The following NBEA variants were observed in gnomAD, a reference collection of about 807,000 sequenced individuals.
The protein encoded by NBEA is lysosomal-trafficking regulator 2.
A neutral mutation model predicts 343.4 loss-of-function variants in NBEA; 44 were observed. That is an observed-to-expected ratio of 0.13 (90% CI 0.10 to 0.16). NBEA has a LOEUF of 0.16. NBEA is among the 10% of genes least tolerant of loss of function. The pLI, the probability that NBEA is intolerant of heterozygous loss-of-function variation, is 1.00. For missense variants in NBEA, 2,555 were observed against 3,631.3 expected (o/e 0.70, Z 7.62); for synonymous variants, 1,175 against 1,238.7 (o/e 0.95, Z 1.08).
chr13:35,518,630 T>C lies in NBEA; in HGVS notation c.6586-31847T>C, dbSNP rs749769234. 9.1e-4 allele frequency among the ~76,000 whole-genome samples: 138 copies of C among 152,330 alleles called. No homozygotes were observed. The Middle Eastern group carries it at 0.014, about 15-fold the overall frequency. On this transcript the variant is annotated intron_variant, in intron 41 of 58. Coordinates refer to ENST00000379939, the MANE Select transcript of NBEA (RefSeq NM_001385012.1). ...CGATGGTTAGAATGGTATTACTTGT[T>C]AAACTTAGGGAAAGCATACCCCCTG...
At chr13:35,647,693 A>T (rs1184295445) in intron 51 of NBEA, among the ~76,000 whole-genome samples, 1 of 151,980 alleles carries the variant, frequency 6.6e-6, no homozygotes, top group Non-Finnish European at 1.5e-5. Flanking sequence ...TAGCCTCCCG[A>T]GTAGCCGGGA....
chr13:35,058,062 G>T (rs1198584512), intron 7 of NBEA, among the ~76,000 whole-genome samples: 1 of 152,074 alleles, frequency 6.6e-6, no homozygotes, highest in Non-Finnish European at 1.5e-5. Context: ...GGGTGGGCGG[G>T]GTGTAAGAAG....
At chr13:35,206,077 A>G (rs189052322) in intron 31 of NBEA, among the ~76,000 whole-genome samples, 21 of 152,218 alleles carry the variant, frequency 1.4e-4, no homozygotes, top group African/African-American at 4.3e-4. Context: ...ATCAATTGCT[A>G]TTAATTCAGT....
chr13:35,383,582 T>C (rs974315670), intron 38 of NBEA, among the ~76,000 whole-genome samples: 2 of 151,896 alleles, frequency 1.3e-5, no homozygotes, highest in African/African-American at 2.4e-5. Context: ...TGAGAGACCA[T>C]TGTGGGTGAG....
In NBEA at chr13:35,110,780, T is replaced by C. The variant is rs374341438; in HGVS notation, c.1834-30T>C. 2.0e-5 allele frequency: 32 copies of C among 1,562,762 alleles called. No homozygotes were observed. In the African/African-American group the frequency reaches 3.0e-4, roughly 15 times the overall value. On this transcript the variant is annotated intron_variant, in intron 12 of 58. Transcript: ENST00000379939. The stretch of plus-strand genomic sequence containing the variant: ...GAGCACTTGAGGCATTTTAAATTCA[T>C]TTTAATGATCTGTTAATATTCTGTA...
intron 35 of NBEA, among the ~76,000 whole-genome samples, chr13:35,308,558 G>GTA (rs1322065187): frequency 1.2e-3 from 124 of 106,224 alleles, no homozygotes; most frequent in Admixed American, 4.0e-3. Context: ...ATGTATATAT[G>GTA]TATATATGTA....
At chr13:35,520,268 G>A (rs148633849) in intron 41 of NBEA, among the ~76,000 whole-genome samples, 62 of 152,246 alleles carry the variant, frequency 4.1e-4, no homozygotes, top group African/African-American at 1.5e-3. Context: ...TTGTCTTTCT[G>A]TGACTGGATT....
rs768219324 is a variant in NBEA, at chr13:35,156,112, A to G, written c.2557A>G (p.Lys853Glu). ...MILKVVATLL[K>E]NSTPSAELME... ...TCTTAAAGTGGTGGCAACTTTGTTA[A>G]AAAACTCTACACCAAGTGCAGAGCT... The change falls in exon 20 of 59, where the codon AAA (lysine) becomes GAA (glutamate). Residue 853 changes from lysine to glutamate, a missense_variant. Transcript: ENST00000379939. 2 of 1,584,220 alleles carry G rather than the reference A, an allele frequency of 1.3e-6. No homozygotes were observed. The highest frequency in any genetic ancestry group is 1.9e-5 in the Admixed American group (1 of 51,532).
chr13:34,992,410 A>T (rs916139184), intron 1 of NBEA, among the ~76,000 whole-genome samples: 4 of 151,270 alleles, frequency 2.6e-5, no homozygotes, highest in Admixed American at 2.6e-4. Flanking sequence ...ACATGCCACC[A>T]TGCCTGGCTA....
At chr13:35,283,849 A>G (rs2035226449) in intron 34 of NBEA, among the ~76,000 whole-genome samples, 1 of 152,140 alleles carries the variant, frequency 6.6e-6, no homozygotes, top group Non-Finnish European at 1.5e-5. Flanking sequence ...CAGAATTGTA[A>G]AGTATCATGG....
chr13:35,536,865 G>A (rs2078580045), intron 41 of NBEA, among the ~76,000 whole-genome samples: 1 of 152,172 alleles, frequency 6.6e-6, no homozygotes, highest in African/African-American at 2.4e-5. Flanking sequence ...ATATTCAAAG[G>A]AATGAGAGAG....
chr13:35,502,857 G>A (rs115967785), intron 41 of NBEA, among the ~76,000 whole-genome samples: 1,551 of 152,146 alleles, frequency 0.01, 33 homozygotes, highest in African/African-American at 0.036. Context: ...CTCCAAAGGA[G>A]CTATAAATGG....
intron 34 of NBEA, among the ~76,000 whole-genome samples, chr13:35,260,610 G>A (rs924598914): frequency 6.6e-6 from 1 of 152,218 alleles, no homozygotes; most frequent in Non-Finnish European, 1.5e-5. Context: ...GCAGAATTTT[G>A]TGGAAGAGGA....
At position 35,182,368 on chromosome 13, in the gene NBEA, C is replaced by T. The variant is rs754459568; in HGVS notation, c.4671C>T (p.Ser1557=). ...RAVVFRDVDD[S]KQAQFLALAV... is the part of the protein sequence containing the mutation. ...CTTTTCATTTTTCATAGGATGATAG[C>T]AAACAAGCACAGTTCTTAGCTCTGG... is the stretch of plus-strand genomic sequence containing the variant. Residue 1557 remains serine (S), a synonymous_variant, in exon 29 of 59, where the codon AGC becomes AGT. Transcript: ENST00000379939. 7.5e-6 allele frequency: 12 copies of T among 1,598,004 alleles called. No homozygotes were observed. The East Asian group carries it at 2.7e-4, about 36-fold the overall frequency.
At chr13:35,175,815 A>G (rs1040344866) in intron 27 of NBEA, among the ~76,000 whole-genome samples, 8 of 152,070 alleles carry the variant, frequency 5.3e-5, no homozygotes, top group African/African-American at 9.7e-5. Flanking sequence ...GTTTCTTGCA[A>G]GTTTCTTGCA....
chr13:34,970,633 A>T (rs2059968524), intron 1 of NBEA, among the ~76,000 whole-genome samples: 1 of 152,204 alleles, frequency 6.6e-6, no homozygotes, highest in Non-Finnish European at 1.5e-5. Context: ...TTTATTGAAT[A>T]GGGAATCCTT....
chr13:35,114,907 C>T (rs1593391725), intron 13 of NBEA, among the ~76,000 whole-genome samples: 1 of 152,038 alleles, frequency 6.6e-6, no homozygotes, highest in African/African-American at 2.4e-5. Context: ...CAAATGCTTT[C>T]TTTTAAGGAC....
intron 49 of NBEA, among the ~76,000 whole-genome samples, chr13:35,631,639 A>T (rs974995129): frequency 0.011 from 21 of 1,832 alleles, no homozygotes; most frequent in African/African-American, 0.027. Flanking sequence ...TCTCCTTTGT[A>T]AAAAAAAAAA....
At chr13:35,315,041 A>G (rs2037627044) in intron 36 of NBEA, among the ~76,000 whole-genome samples, 1 of 152,212 alleles carries the variant, frequency 6.6e-6, no homozygotes, top group East Asian at 1.9e-4. Flanking sequence ...TAAATATTTT[A>G]TACATGCTTT....
Sources: allele counts gnomAD v4.1 joint callset (sites outside exome capture counted in the v4.1 genomes callset), GRCh38; gene constraint gnomAD v4.1.1; transcripts MANE v1.5; gene names NCBI Gene and HGNC (gene_info 2026-07-23, HGNC 2026-07-21).